The following SLC25A48 variants were observed in gnomAD, a reference collection of about 807,000 sequenced individuals.
SLC25A48 encodes CTC-321K16.1.
A neutral mutation model predicts 32.2 loss-of-function variants in SLC25A48; 29 were observed. The observed-to-expected ratio is 0.90, with a 90% CI of 0.67 to 1.23. The LOEUF (loss-of-function observed/expected upper bound fraction) is 1.23. Ranked by LOEUF, SLC25A48 falls within the 50% of genes most tolerant of loss-of-function variation. The probability of loss-of-function intolerance (pLI) is 0.00; values close to 1 mark genes in which losing one functional copy is unlikely to be tolerated. For missense variants in SLC25A48, 399 were observed against 422.7 expected, an observed-to-expected ratio of 0.94 and a Z score of 0.49; for synonymous variants, 164 against 172.3, an observed-to-expected ratio of 0.95 and a Z score of 0.38.
At chr5:135,664,869 G>T (rs549103675) in intron 3 of SLC25A48, among the ~76,000 whole-genome samples, 7 of 152,258 alleles carry the variant, frequency 4.6e-5, no homozygotes, top group East Asian at 3.9e-4. Flanking sequence ...ATTGTGAATT[G>T]TGCTGCATTA....
intron 4 of SLC25A48, among the ~76,000 whole-genome samples, chr5:135,864,726 A>C (rs1045823822): frequency 6.6e-6 from 1 of 152,278 alleles, no homozygotes; most frequent in African/African-American, 2.4e-5. Flanking sequence ...CTTTTCAAAC[A>C]GTTGTCCCAC....
At chr5:135,745,499 G>A (rs907200067) in intron 3 of SLC25A48, among the ~76,000 whole-genome samples, 3 of 152,062 alleles carry the variant, frequency 2.0e-5, no homozygotes, top group East Asian at 3.9e-4. Context: ...GGCCAGATGT[G>A]GGGGGCCTGT....
intron 1 of SLC25A48, among the ~76,000 whole-genome samples, chr5:135,623,907 C>G (rs923060159): frequency 6.6e-6 from 1 of 152,160 alleles, no homozygotes; most frequent in Non-Finnish European, 1.5e-5. Flanking sequence ...CCTCTGTCCC[C>G]CCGGGTACCT....
At chr5:135,874,187 C>A in intron 6 of SLC25A48, 33 bp downstream of exon 6, 2 of 1,415,708 alleles carry the variant, frequency 1.4e-6, no homozygotes, top group South Asian at 3.2e-5. Context: ...GGGTCAGTGT[C>A]AGTCCCTGGA....
At chr5:135,773,153 G>A (rs571395774) in intron 3 of SLC25A48, among the ~76,000 whole-genome samples, 1 of 151,488 alleles carries the variant, frequency 6.6e-6, no homozygotes, top group African/African-American at 2.4e-5. Flanking sequence ...GGTGGTAGAG[G>A]ATAATATTAC....
intron 3 of SLC25A48, among the ~76,000 whole-genome samples, chr5:135,767,201 A>T (rs1328020623): frequency 1.4e-5 from 2 of 142,632 alleles, no homozygotes; most frequent in African/African-American, 5.1e-5. Context: ...CCCCCCCGTG[A>T]TATGGTTTGT....
intron 3 of SLC25A48, among the ~76,000 whole-genome samples, chr5:135,669,978 T>G (rs550968739): frequency 6.6e-6 from 1 of 152,330 alleles, no homozygotes; most frequent in South Asian, 2.1e-4. Flanking sequence ...GAGAGCAATT[T>G]CTTACCCATA....
intron 4 of SLC25A48, among the ~76,000 whole-genome samples, chr5:135,865,798 A>G (rs1276939196): frequency 6.6e-6 from 1 of 152,216 alleles, no homozygotes; most frequent in Non-Finnish European, 1.5e-5. Flanking sequence ...CCTTGTTAAT[A>G]TGGAAAATGT....
chr5:135,680,861 C>G (rs1753879812), intron 3 of SLC25A48, among the ~76,000 whole-genome samples: 1 of 152,228 alleles, frequency 6.6e-6, no homozygotes, highest in Admixed American at 6.5e-5. Context: ...TGTCCATCCT[C>G]TCTCTCTTCT....
chr5:135,764,507 G>A (rs1355015142), intron 3 of SLC25A48, among the ~76,000 whole-genome samples: 2 of 151,624 alleles, frequency 1.3e-5, no homozygotes, highest in African/African-American at 4.9e-5. Flanking sequence ...AGGTGAGAGG[G>A]TGATATTACC....
At chr5:135,793,235 G>T (rs1046148507) in intron 3 of SLC25A48, among the ~76,000 whole-genome samples, 1 of 151,444 alleles carries the variant, frequency 6.6e-6, no homozygotes, top group Non-Finnish European at 1.5e-5. Context: ...TAATATCCTT[G>T]GGAGTTATTA....
intron 3 of SLC25A48, among the ~76,000 whole-genome samples, chr5:135,797,706 G>A (rs1433719532): frequency 6.6e-6 from 1 of 151,436 alleles, no homozygotes; most frequent in Non-Finnish European, 1.5e-5. Context: ...TACAAATATT[G>A]CAGAAAGTGT....
At chr5:135,669,972 G>A (rs1397927729) in intron 3 of SLC25A48, among the ~76,000 whole-genome samples, 1 of 152,206 alleles carries the variant, frequency 6.6e-6, no homozygotes, top group Non-Finnish European at 1.5e-5. Flanking sequence ...CTAGCAGAGA[G>A]CAATTTCTTA....
At chr5:135,880,136 G>A (rs1561561995) in intron 7 of SLC25A48, 39 bp downstream of exon 7, 1 of 1,503,448 alleles carries the variant, frequency 6.7e-7, no homozygotes. Flanking sequence ...TGCCTCCCAG[G>A]AACTTGAAAC....
At chr5:135,850,540 C>T (rs767267063) in intron 3 of SLC25A48, 44 bp downstream of exon 3, 5 of 1,596,208 alleles carry the variant, frequency 3.1e-6, no homozygotes, top group Non-Finnish European at 4.3e-6. Flanking sequence ...GCCTGGGCCC[C>T]CACAGGCTGG....
At chr5:135,752,226 A>T (rs1032810145) in intron 3 of SLC25A48, among the ~76,000 whole-genome samples, 1 of 152,220 alleles carries the variant, frequency 6.6e-6, no homozygotes. Context: ...TTAAGAGAAT[A>T]AAAGGACAAG....
chr5:135,691,017 A>G (rs1189810697), intron 3 of SLC25A48, among the ~76,000 whole-genome samples: 2 of 151,826 alleles, frequency 1.3e-5, no homozygotes, highest in Non-Finnish European at 2.9e-5. Flanking sequence ...TGAATTTCTG[A>G]CTTGTCGTTT....
chr5:135,788,113 C>A (rs1331343998), intron 3 of SLC25A48, among the ~76,000 whole-genome samples: 1 of 151,934 alleles, frequency 6.6e-6, no homozygotes, highest in Non-Finnish European at 1.5e-5. Flanking sequence ...TATTGCTCCC[C>A]ATGTGGCGAG....
In SLC25A48 at chr5:135,627,421, C is replaced by A. The variant is rs908821457; in HGVS notation, c.-848-1816C>A. On this transcript the variant is annotated intron_variant, in intron 1 of 10. Transcript: ENST00000646290. ...CATGACTATGATTCTGCCTCCTGGG[C>A]TCTAGTAATGCTACCTCTTTCCTTT... 5.3e-5 allele frequency among the ~76,000 whole-genome samples: 8 copies of A among 152,320 alleles called. 1 individual carries two copies. In the South Asian group the frequency reaches 8.3e-4, roughly 16 times the overall value.
Sources: gnomAD v4.1 joint callset for allele counts (sites outside exome capture counted in the v4.1 genomes callset) on GRCh38, gnomAD v4.1.1 for gene constraint, MANE v1.5 for transcripts, NCBI Gene and HGNC (gene_info 2026-07-23, HGNC 2026-07-21) for gene names.